PSD3: variants seen among roughly 807,000 people sequenced by gnomAD.
The protein encoded by PSD3 is PH and SEC7 domain-containing protein 3.
PSD3 carries 49 observed loss-of-function variants against 105.5 expected under a neutral mutation model. The observed-to-expected ratio is 0.46, with a 90% CI of 0.37 to 0.59. The LOEUF (loss-of-function observed/expected upper bound fraction) is 0.59. PSD3 is among the 20% of genes least tolerant of loss of function. The pLI is 0.00. For synonymous variants in PSD3, 557 were observed against 457.8 expected (o/e 1.22, Z -2.77); for missense variants, 1,561 against 1,263.8 (o/e 1.24, Z -3.57).
intron 4 of PSD3, chr8:18,808,865 A>G (rs1811433981): frequency 1.9e-6 from 3 of 1,600,118 alleles, no homozygotes; most frequent in Non-Finnish European, 2.6e-6. Flanking sequence ...AAGTTCAGTG[A>G]CTGCCGAGCC....
intron 9 of PSD3, among the ~76,000 whole-genome samples, chr8:18,725,529 A>G (rs2129428831): frequency 1.3e-5 from 2 of 152,232 alleles, no homozygotes; most frequent in South Asian, 4.1e-4. Context: ...ATTCTTTTCT[A>G]TCACCCTCCC....
At chr8:18,585,572 C>G (rs1803117680) in intron 12 of PSD3, among the ~76,000 whole-genome samples, 1 of 152,126 alleles carries the variant, frequency 6.6e-6, no homozygotes, top group African/African-American at 2.4e-5. Context: ...CCCACCTCAG[C>G]CTCCCAAAGT....
chr8:18,740,408 GA>G (rs1563214176), intron 9 of PSD3, among the ~76,000 whole-genome samples: 1 of 152,126 alleles, frequency 6.6e-6, no homozygotes, highest in African/African-American at 2.4e-5. Context: ...GCTACAAAGA[GA>G]AAACTGTGTT....
intron 10 of PSD3, among the ~76,000 whole-genome samples, chr8:18,647,972 C>T (rs1420994619): frequency 6.6e-6 from 1 of 152,188 alleles, no homozygotes; most frequent in Non-Finnish European, 1.5e-5. Flanking sequence ...TCCCCAGAAG[C>T]TGAGCAGATG....
chr8:18,588,264 G>C (rs2130470296), intron 12 of PSD3, among the ~76,000 whole-genome samples: 1 of 152,200 alleles, frequency 6.6e-6, no homozygotes, highest in Admixed American at 6.5e-5. Context: ...AGAAACTACA[G>C]AACCAGGTAG....
At chr8:19,050,302 C>T (rs934494459) in intron 1 of PSD3, among the ~76,000 whole-genome samples, 16 of 119,902 alleles carry the variant, frequency 1.3e-4, no homozygotes, top group African/African-American at 4.0e-4. Context: ...ACGCCCATGC[C>T]CATATCCCCG....
intron 9 of PSD3, among the ~76,000 whole-genome samples, chr8:18,658,327 T>C (rs1809051786): frequency 6.6e-6 from 1 of 152,180 alleles, no homozygotes; most frequent in Non-Finnish European, 1.5e-5. Context: ...TCAACACAAC[T>C]TCCCATCTTT....
At chr8:19,008,841 T>TTCCCCATCCTCCTCCTCATTGTTTCA (rs1826823689) in intron 1 of PSD3, among the ~76,000 whole-genome samples, 1 of 152,168 alleles carries the variant, frequency 6.6e-6, no homozygotes, top group Non-Finnish European at 1.5e-5. Context: ...CCTCGGCTCA[T>TTCCCCATCCTCCTCCTCATTGTTTCA]TCCCCATCCT....
At chr8:18,875,541 CT>C (rs972080881) in intron 2 of PSD3, among the ~76,000 whole-genome samples, 197 of 145,118 alleles carry the variant, frequency 1.4e-3, no homozygotes, top group Admixed American at 1.3e-3. Context: ...AATTCTAGAA[CT>C]TTTTTTTTTT....
chr8:19,052,935 C>T (rs952714087), intron 1 of PSD3, among the ~76,000 whole-genome samples: 1 of 152,156 alleles, frequency 6.6e-6, no homozygotes, highest in Non-Finnish European at 1.5e-5. Flanking sequence ...GCTTGTGTCA[C>T]TTCCTACTGA....
chr8:18,536,807 G>T (rs774826333), intron 15 of PSD3, among the ~76,000 whole-genome samples: 6 of 149,050 alleles, frequency 4.0e-5, no homozygotes, highest in Admixed American at 4.0e-4. Context: ...TATCATATAT[G>T]TTGCAAATTA....
At chr8:18,575,051 C>T in intron 13 of PSD3, 77 bp downstream of exon 13, 2 of 1,439,104 alleles carry the variant, frequency 1.4e-6, no homozygotes, top group Non-Finnish European at 1.8e-6. Context: ...CCCTGCAGAG[C>T]TTGATTTTGT....
intron 12 of PSD3, among the ~76,000 whole-genome samples, chr8:18,584,158 T>C (rs1803000713): frequency 6.6e-6 from 1 of 152,178 alleles, no homozygotes. Flanking sequence ...ATACGAGACA[T>C]TTTCCAGTGA....
intron 2 of PSD3, among the ~76,000 whole-genome samples, chr8:18,922,562 C>T (rs554275415): frequency 1.3e-5 from 2 of 152,266 alleles, no homozygotes; most frequent in East Asian, 3.9e-4. Flanking sequence ...GGATACACCA[C>T]CTGGGTGTCC....
At chr8:18,933,016 A>C (rs1251293629) in intron 2 of PSD3, among the ~76,000 whole-genome samples, 1 of 152,242 alleles carries the variant, frequency 6.6e-6, no homozygotes, top group Non-Finnish European at 1.5e-5. Context: ...AGAATAAGAA[A>C]CTTATGAGTA....
chr8:19,005,039 C>A (rs1157159390), intron 1 of PSD3, among the ~76,000 whole-genome samples: 1 of 151,916 alleles, frequency 6.6e-6, no homozygotes, highest in African/African-American at 2.4e-5. Context: ...CGAATACGAG[C>A]CAATAAGCAC....
chr8:18,907,312 A>G (rs189671792), intron 2 of PSD3, among the ~76,000 whole-genome samples: 3 of 152,022 alleles, frequency 2.0e-5, no homozygotes, highest in Admixed American at 1.3e-4. Context: ...TGATGGTACA[A>G]TTTTTTGTCT....
intron 4 of PSD3, among the ~76,000 whole-genome samples, chr8:18,827,926 T>C (rs1051728976): frequency 2.1e-5 from 3 of 143,060 alleles, no homozygotes; most frequent in African/African-American, 7.7e-5. Context: ...AGGCAGCAGA[T>C]TAAAAAAAAA....
intron 2 of PSD3, among the ~76,000 whole-genome samples, chr8:18,902,988 G>A (rs1017790104): frequency 2.0e-5 from 3 of 152,122 alleles, no homozygotes; most frequent in South Asian, 2.1e-4. Flanking sequence ...AGTGGCTGTG[G>A]GGCCAGGGTC....
Sources: allele counts gnomAD v4.1 joint callset (sites outside exome capture counted in the v4.1 genomes callset), GRCh38; gene constraint gnomAD v4.1.1; transcripts MANE v1.5; gene names NCBI Gene and HGNC (gene_info 2026-07-23, HGNC 2026-07-21).